Variants in NBPF26 observed in about 807,000 individuals in gnomAD.
The protein encoded by NBPF26 is NBPF member 26, also known as NBPF family member NBPF26.
A neutral mutation model predicts 119.6 loss-of-function variants in NBPF26; 79 were observed. The observed-to-expected ratio is 0.66, with a 90% confidence interval of 0.55 to 0.80. NBPF26 has a LOEUF of 0.80. Ranked by LOEUF, NBPF26 falls within the 30% of genes least tolerant of loss-of-function variation. NBPF26 has a pLI of 0.00. For synonymous variants in NBPF26, 299 were observed against 457.7 expected (o/e 0.65, Z 4.43); for missense variants, 800 against 1,198.2 (o/e 0.67, Z 4.91).
At chr1:120,791,374 A>G (rs1481260366) in intron 3 of NBPF26, among the ~76,000 whole-genome samples, 1 of 107,442 alleles carries the variant, frequency 9.3e-6, no homozygotes, top group East Asian at 2.3e-4. Context: ...ACTATTCACA[A>G]TAGCAAAGAG....
rs1307467663 is a variant in NBPF26 at position 120,819,013 on chromosome 1, A to T, written c.2423+839A>T. Among the ~76,000 whole-genome samples the T allele has an allele frequency of 3.5e-5, 4 of 115,062 alleles. 1 individual carries two copies. Among genetic ancestry groups the T allele is most frequent in the Non-Finnish European group, 6.9e-5 (4 of 57,912 alleles). 75.5% of individuals were successfully genotyped at this position (115,062 alleles called of 152,430 possible). On this transcript the variant is annotated intron_variant, in intron 15 of 29. Coordinates refer to ENST00000620612, the Ensembl canonical transcript of NBPF26. ...TTTAGGTCTGCTTGGTGGAGAGCTG[A>T]GTTCAAGTCCTGGATATCCTTGTTA...
At chr1:120,840,225 A>G (rs1652480369) in intron 29 of NBPF26, 125 bp from the exon 36 acceptor site, 1 of 1,338,012 alleles carries the variant, frequency 7.5e-7, no homozygotes, top group African/African-American at 3.2e-5. Flanking sequence ...TTTTTTTTTT[A>G]CCTCATTAAT....
In NBPF26 at chr1:120,724,228, G is replaced by T; in HGVS notation, c.51G>T (p.Leu17=). 3 of 1,405,562 alleles carry T rather than the reference G, an allele frequency of 2.1e-6. 1 individual carries two copies. Among genetic ancestry groups the T allele is most frequent in the Non-Finnish European group, 2.8e-6 (3 of 1,070,380 alleles). The allele number at this position is 1,405,562 out of a possible 1,614,324, so 87.1% of individuals were successfully genotyped here. ...TGTGGGCGCTGCTGGCGCTCTGGCTGTGCTGGGCGGCCCCCGCGCATGGTG... is the reference window on the plus strand; with the variant it reads ...TGTGGGCGCTGCTGGCGCTCTGGCTTTGCTGGGCGGCCCCCGCGCATGGTG... The change falls in exon 1 of 30, where the codon CTG becomes CTT. Residue 17 remains leucine (L), a synonymous_variant. Transcript: ENST00000620612.
At position 120,783,849 on chromosome 1, in the gene NBPF26, A is replaced by G. The variant is rs1369745492; in HGVS notation, c.156-1125A>G. Among the ~76,000 whole-genome samples the G allele has an allele frequency of 3.7e-5, 4 of 108,982 alleles. No individual in the cohort carries two copies. The South Asian group carries it at 8.2e-4, about 22-fold the overall frequency. 71.5% of individuals were successfully genotyped at this position (108,982 alleles called of 152,430 possible). On this transcript the variant is annotated intron_variant, in intron 2 of 29. Transcript: ENST00000620612. Reference sequence around the variant, plus strand: ...GAGTCATAGAAGCCAAGGTAAAATGATTAAAACGGTACATGGAGTGGTTAG... The same window carrying G: ...GAGTCATAGAAGCCAAGGTAAAATGGTTAAAACGGTACATGGAGTGGTTAG...
rs1189231805 is a variant in NBPF26, at chr1:120,785,238, C to G, written c.415+5C>G. On this transcript the variant is annotated splice_donor_5th_base_variant and intron_variant, in intron 3 of 29. Transcript: ENST00000620612. ...CCTGTCAAGTCGGGTTTACAGGTAA[C>G]TAATGAGACCAAAGCCAGTGCTTCC... The G allele has an allele frequency of 1.4e-6, 2 of 1,444,426 alleles. No homozygotes were observed. The highest frequency in any genetic ancestry group is 1.9e-6 in the Non-Finnish European group (2 of 1,080,860). The allele number at this position is 1,444,426 out of a possible 1,614,324, so 89.5% of individuals were successfully genotyped here.
chr1:120,840,837 C>G, downstream of NBPF26: 1 of 532,850 alleles, frequency 1.9e-6, no homozygotes, highest in Non-Finnish European at 3.1e-6. Flanking sequence ...ATCAGTCAGA[C>G]ATTTTAATTT....
chr1:120,790,371 C>G lies in NBPF26; in HGVS notation c.416-2790C>G, dbSNP rs1445184969. Among the ~76,000 whole-genome samples the G allele has an allele frequency of 1.8e-4, 21 of 114,674 alleles. 5 individuals are homozygous for G. Among genetic ancestry groups the G allele is most frequent in the African/African-American group, 3.7e-4 (7 of 19,084 alleles). The allele number at this position is 114,674 out of a possible 152,430, so 75.2% of individuals were successfully genotyped here. On this transcript the variant is annotated intron_variant, in intron 3 of 29. Transcript: ENST00000620612. ...TTGTCTATCACTTTAGGAATCATCA[C>G]AGATCAAGGTCATCCTTTTGGTTTT... is the stretch of plus-strand genomic sequence containing the variant.
rs1256427750 is a variant in NBPF26 at position 120,807,729 on chromosome 1, G to T, written c.1064+20G>T. ...GCTCAGGTGAGGGGACCCCATGGGG[G>T]CAGGCAGGGGGGCAGGTGTGTAAAT... On this transcript the variant is annotated intron_variant, in intron 6 of 29. Coordinates refer to ENST00000620612, the Ensembl canonical transcript of NBPF26. 1 of 1,149,130 alleles carries T rather than the reference G, an allele frequency of 8.7e-7. No homozygotes were observed. 71.2% of individuals were successfully genotyped at this position (1,149,130 alleles called of 1,614,324 possible).
rs2101522793 is a variant in NBPF26 at position 120,816,262 on chromosome 1, C to G, written c.2165+105C>G. On this transcript the variant is annotated intron_variant, in intron 13 of 29. Transcript: ENST00000620612. ...ATGATGGACCAAAAACCCGCATTCGCTTGGCCACAGTATGTGAAATATAAC... is the reference window on the plus strand; with the variant it reads ...ATGATGGACCAAAAACCCGCATTCGGTTGGCCACAGTATGTGAAATATAAC... 9 of 674,314 alleles carry G rather than the reference C, an allele frequency of 1.3e-5. No individual in the cohort carries two copies. In the East Asian group the frequency reaches 2.5e-4, roughly 19 times the overall value. 41.8% of individuals were successfully genotyped at this position (674,314 alleles called of 1,614,324 possible). A position where few individuals can be genotyped will look rare whatever the true frequency, so the allele number is the denominator to read the frequency against.
At chr1:120,810,934 C>T (rs1553270893) in intron 9 of NBPF26, among the ~76,000 whole-genome samples, 2 of 108,716 alleles carry the variant, frequency 1.8e-5, no homozygotes, top group Non-Finnish European at 3.5e-5. Flanking sequence ...TTTTCATTGG[C>T]TTGTCTTAGC....
intron 2 of NBPF26, among the ~76,000 whole-genome samples, 170 bp from the exon 3 acceptor site, chr1:120,784,804 A>C (rs1319354000): frequency 8.4e-6 from 1 of 118,894 alleles, no homozygotes; most frequent in Non-Finnish European, 1.6e-5. Context: ...TACGTGGTTA[A>C]GTTCTCTAAG....
intron 2 of NBPF26, among the ~76,000 whole-genome samples, chr1:120,781,919 A>C (rs1406142090): frequency 9.0e-6 from 1 of 110,782 alleles, no homozygotes; most frequent in Non-Finnish European, 1.7e-5. Flanking sequence ...GGAGATTATA[A>C]TATAGCACTG....
At chr1:120,792,729 T>C (rs1230213516) in intron 3 of NBPF26, among the ~76,000 whole-genome samples, 1 of 103,156 alleles carries the variant, frequency 9.7e-6, no homozygotes, top group Non-Finnish European at 1.8e-5. Context: ...CTTGAACTCC[T>C]TACCTCATGA....
chr1:120,808,429 T>A lies in NBPF26; in HGVS notation c.1065-116T>A. ...CACAGACATTCCTTTCAACGTGTGC[T>A]GACCTTCTGTTTCAAGGTCTCCTTG... is the stretch of plus-strand genomic sequence containing the variant. On this transcript the variant is annotated intron_variant, in intron 6 of 29. Coordinates refer to ENST00000620612, the Ensembl canonical transcript of NBPF26. 2 of 949,482 alleles carry A rather than the reference T, an allele frequency of 2.1e-6. 1 individual carries two copies. Among genetic ancestry groups the A allele is most frequent in the Non-Finnish European group, 3.2e-6 (2 of 624,266 alleles). 58.8% of individuals were successfully genotyped at this position (949,482 alleles called of 1,614,324 possible).
At chr1:120,729,654 C>A (rs1650855215) in intron 1 of NBPF26, among the ~76,000 whole-genome samples, 1 of 119,506 alleles carries the variant, frequency 8.4e-6, no homozygotes, top group Non-Finnish European at 1.6e-5. Context: ...TGTTTCATAC[C>A]TCCCTGCACA....
At chr1:120,728,877 A>C (rs1238787014) in intron 1 of NBPF26, among the ~76,000 whole-genome samples, 1 of 110,002 alleles carries the variant, frequency 9.1e-6, no homozygotes, top group Non-Finnish European at 1.7e-5. Context: ...AAGGTGAAAT[A>C]TGATGAATAA....
chr1:120,817,374 C>T (rs1333189799), intron 14 of NBPF26, among the ~76,000 whole-genome samples: 1 of 69,916 alleles, frequency 1.4e-5, no homozygotes, highest in Non-Finnish European at 2.3e-5. Flanking sequence ...TCCACCCTGT[C>T]AATGCAATGG....
chr1:120,802,590 TAA>T (rs1326979900), intron 4 of NBPF26, among the ~76,000 whole-genome samples: 2 of 120,170 alleles, frequency 1.7e-5, no homozygotes, highest in Non-Finnish European at 3.3e-5. Flanking sequence ...GAATATAAAT[TAA>T]GTTTACCTCT....
Position 120,804,721 on chromosome 1 carries a change from C to G in NBPF26, c.752-835C>G, listed in dbSNP as rs1292282606. ...ACCCACATAGAGGAAGAGCTTTGGA[C>G]GTAGGGATGTCAAACTGGTCTAGAA... is the stretch of plus-strand genomic sequence containing the variant. On this transcript the variant is annotated intron_variant, in intron 4 of 29. Coordinates refer to ENST00000620612, the Ensembl canonical transcript of NBPF26. Among the ~76,000 whole-genome samples the G allele has an allele frequency of 1.7e-5, 2 of 116,914 alleles. 1 individual carries two copies. The highest frequency in any genetic ancestry group is 9.9e-5 in the African/African-American group (2 of 20,258). The allele number at this position is 116,914 out of a possible 152,430, so 76.7% of individuals were successfully genotyped here.
Sources: gnomAD v4.1 joint callset for allele counts (sites outside exome capture counted in the v4.1 genomes callset) on GRCh38, gnomAD v4.1.1 for gene constraint, MANE v1.5 for transcripts, NCBI Gene and HGNC (gene_info 2026-07-23, HGNC 2026-07-21) for gene names.